The following NEURL1B variants were observed in gnomAD, a reference collection of about 807,000 sequenced individuals.
NEURL1B encodes E3 ubiquitin-protein ligase NEURL1B.
Under a neutral mutation model 37.4 loss-of-function variants are expected in NEURL1B, and 13 were observed. The ratio of observed to expected loss-of-function variants is 0.35; its 90% CI spans 0.23 to 0.55. The LOEUF is 0.55. Ranked by LOEUF, NEURL1B falls within the 20% of genes least tolerant of loss-of-function variation. The pLI is 0.89. For missense variants in NEURL1B, 790 were observed against 879.2 expected, an observed-to-expected ratio of 0.90 and a Z score of 1.28; for synonymous variants, 432 against 426.6, an observed-to-expected ratio of 1.01 and a Z score of -0.16.
rs116119534 is a variant in NEURL1B, at chr5:172,646,094, G to A, written c.31+4657G>A. Among the ~76,000 whole-genome samples the A allele has an allele frequency of 3.9e-3, 589 of 152,270 alleles. 3 individuals carry two copies. Among genetic ancestry groups the A allele is most frequent in the African/African-American group, 0.013 (544 of 41,556 alleles). On this transcript the variant is annotated intron_variant, in intron 1 of 4. Transcript: ENST00000369800. The stretch of plus-strand genomic sequence containing the variant: ...CATGTAAAATGCATTTCTTTCCCTG[G>A]GACACAGCGGGAGCCGTTGAGAGTT...
rs1757576135 is a variant in NEURL1B at position 172,647,226 on chromosome 5, G to A, written c.31+5789G>A. On this transcript the variant is annotated intron_variant, in intron 1 of 4. Transcript: ENST00000369800. The surrounding 1 kb of genome is among the most constrained non-coding windows in gnomAD (Gnocchi z 4.2). Reference sequence around the variant, plus strand: ...TAGAAGCCCAGAGGCCAGGTGTGTGGTTAGAGCTTAGAGCAGAGAGGGAAG... The same window carrying A: ...TAGAAGCCCAGAGGCCAGGTGTGTGATTAGAGCTTAGAGCAGAGAGGGAAG... 6.6e-6 allele frequency among the ~76,000 whole-genome samples: 1 copy of A among 152,150 alleles called. No homozygotes were observed. Among genetic ancestry groups the A allele is most frequent in the Non-Finnish European group, 1.5e-5 (1 of 68,014 alleles).
intron 2 of NEURL1B, among the ~76,000 whole-genome samples, chr5:172,680,467 C>T (rs990776636): frequency 6.6e-6 from 1 of 152,096 alleles, no homozygotes; most frequent in East Asian, 1.9e-4. Context: ...TAGGGGCGGG[C>T]GACTGTGAGT....
At chr5:172,650,903 C>G (rs1008109660) in intron 1 of NEURL1B, among the ~76,000 whole-genome samples, 5 of 152,114 alleles carry the variant, frequency 3.3e-5, no homozygotes, top group Admixed American at 3.3e-4. Context: ...CAGGGCAGAG[C>G]AGGTAGCAGG....
rs548569377 is a variant in NEURL1B, at chr5:172,689,336, A to G, written c.*2411A>G. ...CCACTGTACTTTATTTTGCACCTAC[A>G]GCGTGCCTTGGCACTGGGCTAGAGA... On this transcript the variant is annotated 3_prime_UTR_variant, in exon 5 of 5. Coordinates refer to ENST00000369800, the MANE Select transcript of NEURL1B (RefSeq NM_001142651.3). 6.6e-6 allele frequency: 1 copy of G among 152,290 alleles called. No homozygotes were observed. Among genetic ancestry groups the G allele is most frequent in the Non-Finnish European group, 1.5e-5 (1 of 68,056 alleles). The allele number at this position is 152,290 out of a possible 1,614,324, so 9.4% of individuals were successfully genotyped here.
In NEURL1B at chr5:172,647,095, C is replaced by T. The variant is rs779062709; in HGVS notation, c.31+5658C>T. On this transcript the variant is annotated intron_variant, in intron 1 of 4. Coordinates refer to ENST00000369800, the MANE Select transcript of NEURL1B (RefSeq NM_001142651.3). This position sits in a 1 kb window ranked among gnomAD's most constrained non-coding sequence, Gnocchi z 4.2. ...TTTCCCTGGGCTGGACCTCAAGGGC[C>T]GCTCAGAACAGGCTGTTTAATCTCC... 1.3e-5 allele frequency among the ~76,000 whole-genome samples: 2 copies of T among 152,168 alleles called. No individual in the cohort carries two copies. Among genetic ancestry groups the T allele is most frequent in the East Asian group, 1.9e-4 (1 of 5,186 alleles).
Position 172,658,354 on chromosome 5 carries a change from C to T in NEURL1B, c.32-11431C>T, listed in dbSNP as rs868171961. ...TTGGGGAAGGGAGCAGAAGTCCATG[C>T]GGGCTTCCTGCAGGCATCCTCAGTC... is the stretch of plus-strand genomic sequence containing the variant. On this transcript the variant is annotated intron_variant, in intron 1 of 4. Transcript: ENST00000369800. Among the ~76,000 whole-genome samples, 20 of 152,294 alleles carry T rather than the reference C, an allele frequency of 1.3e-4. No homozygotes were observed. The Middle Eastern group carries it at 0.014, about 104-fold the overall frequency.
At chr5:172,672,966 T>C (rs1187975816) in intron 2 of NEURL1B, among the ~76,000 whole-genome samples, 2 of 152,082 alleles carry the variant, frequency 1.3e-5, no homozygotes, top group Non-Finnish European at 2.9e-5. Flanking sequence ...TATTGTCCTT[T>C]CTGAAGGTTA....
intron 1 of NEURL1B, among the ~76,000 whole-genome samples, chr5:172,664,195 GA>G (rs1175619643): frequency 6.6e-6 from 1 of 152,158 alleles, no homozygotes; most frequent in Non-Finnish European, 1.5e-5. Context: ...AGGACAGGGG[GA>G]AAAAGCACGG....
chr5:172,686,826 G>A lies in NEURL1B; in HGVS notation c.1569G>A (p.Leu523=), dbSNP rs762182850. 7.1e-6 allele frequency: 11 copies of A among 1,551,702 alleles called. No individual in the cohort carries two copies. Among genetic ancestry groups the A allele is most frequent in the Non-Finnish European group, 8.7e-6 (10 of 1,147,232 alleles). Residue 523 remains leucine, a synonymous_variant, in exon 5 of 5, where the codon CTG becomes CTA. Transcript: ENST00000369800. The surrounding 1 kb of genome is among the most constrained non-coding windows in gnomAD (Gnocchi z 7.9). Reference sequence around the variant, plus strand: ...TCTACACGTGTGGACACATGTGCCTGTGCCACAGCTGCGGCCTGCGGCTCA... The same window carrying A: ...TCTACACGTGTGGACACATGTGCCTATGCCACAGCTGCGGCCTGCGGCTCA... The part of the protein sequence containing the change: ...TVIYTCGHMC[L]CHSCGLRLKR...
Position 172,683,899 on chromosome 5 carries a change from A to G in NEURL1B, c.1058A>G (p.Asn353Ser). Residue 353 changes from asparagine to serine, a missense_variant, in exon 3 of 5, where the codon AAC (asparagine) becomes AGC (serine). This residue lies in a region of NEURL1B where 460 missense variants were observed against 407.4 expected (regional missense o/e 1.13). Transcript: ENST00000369800. This position sits in a 1 kb window ranked among gnomAD's most constrained non-coding sequence, Gnocchi z 5.6. Reference protein sequence around the residue: ...TSCDPGVLRPNELPADPDALL... With the variant: ...TSCDPGVLRPSELPADPDALL... ...TGCGACCCGGGCGTGCTACGGCCCA[A>G]CGAGCTGCCCGCCGACCCAGACGCG... 1 of 1,415,366 alleles carries G rather than the reference A, an allele frequency of 7.1e-7. No individual in the cohort carries two copies. Among genetic ancestry groups the G allele is most frequent in the Non-Finnish European group, 9.3e-7 (1 of 1,079,808 alleles). 87.7% of individuals were successfully genotyped at this position (1,415,366 alleles called of 1,614,324 possible).
chr5:172,668,750 C>T (rs1758062306), intron 1 of NEURL1B, among the ~76,000 whole-genome samples: 1 of 152,164 alleles, frequency 6.6e-6, no homozygotes, highest in African/African-American at 2.4e-5. Flanking sequence ...TAATCTCCCG[C>T]CCTGCCACCT....
At chr5:172,677,305 C>A (rs552024380) in intron 2 of NEURL1B, among the ~76,000 whole-genome samples, 3 of 152,186 alleles carry the variant, frequency 2.0e-5, no homozygotes, top group African/African-American at 7.2e-5. Context: ...TGGAGCGAGA[C>A]CGCCGCTGCA....
chr5:172,643,854 T>C (rs183722037), intron 1 of NEURL1B, among the ~76,000 whole-genome samples: 1 of 152,260 alleles, frequency 6.6e-6, no homozygotes, highest in East Asian at 1.9e-4. Flanking sequence ...CCTGCATATG[T>C]GGCTTCATTT....
At chr5:172,679,386 C>T (rs148918313) in intron 2 of NEURL1B, among the ~76,000 whole-genome samples, 4 of 152,208 alleles carry the variant, frequency 2.6e-5, no homozygotes, top group Non-Finnish European at 5.9e-5. Context: ...AGCAGGCGCT[C>T]GAGAACGTGG....
chr5:172,686,045 C>A lies in NEURL1B; in HGVS notation c.1298-126C>A. On this transcript the variant is annotated intron_variant, in intron 3 of 4. Coordinates refer to ENST00000369800, the MANE Select transcript of NEURL1B (RefSeq NM_001142651.3). This position sits in a 1 kb window ranked among gnomAD's most constrained non-coding sequence, Gnocchi z 7.9. ...ATGCACTCTTCACTCCTCAGCAGAA[C>A]CCTGGGAGATACCTCTGGTCCTCTC... 1 of 1,152,516 alleles carries A rather than the reference C, an allele frequency of 8.7e-7. No homozygotes were observed. Among genetic ancestry groups the A allele is most frequent in the Middle Eastern group, 2.6e-4 (1 of 3,904 alleles). The allele number at this position is 1,152,516 out of a possible 1,614,324, so 71.4% of individuals were successfully genotyped here.
intron 1 of NEURL1B, among the ~76,000 whole-genome samples, chr5:172,658,100 G>A (rs1186852737): frequency 6.6e-6 from 1 of 151,946 alleles, no homozygotes; most frequent in Non-Finnish European, 1.5e-5. Context: ...CCCTTGTCTT[G>A]TATGCAATAA....
At chr5:172,682,152 A>C (rs1758365546) in intron 2 of NEURL1B, among the ~76,000 whole-genome samples, 1 of 152,362 alleles carries the variant, frequency 6.6e-6, no homozygotes, top group Admixed American at 6.5e-5. Flanking sequence ...TAATCTACTA[A>C]AGTACGAATA....
At chr5:172,642,573 C>T (rs1757486615) in intron 1 of NEURL1B, among the ~76,000 whole-genome samples, 1 of 152,216 alleles carries the variant, frequency 6.6e-6, no homozygotes, top group Non-Finnish European at 1.5e-5. Flanking sequence ...ATATAGCTCT[C>T]CCTTCTAGGC....
intron 1 of NEURL1B, among the ~76,000 whole-genome samples, chr5:172,659,928 G>A (rs1757862842): frequency 6.6e-6 from 1 of 152,162 alleles, no homozygotes; most frequent in Non-Finnish European, 1.5e-5. Flanking sequence ...CACTGCCCCA[G>A]CCCTCCCTGG....
Sources: allele counts gnomAD v4.1 joint callset (sites outside exome capture counted in the v4.1 genomes callset), GRCh38; gene constraint gnomAD v4.1.1; regional missense constraint gnomAD v4.1.1; non-coding constraint Gnocchi (gnomAD v3.1); transcripts MANE v1.5; gene names NCBI Gene and HGNC (gene_info 2026-07-23, HGNC 2026-07-21).